Variants in VANGL1 observed in about 807,000 individuals in gnomAD.
VANGL1 encodes the protein vang-like protein 1.
In VANGL1, 18 loss-of-function variants were observed where a neutral mutation model predicts 48.4. The ratio of observed to expected loss-of-function variants is 0.37; its 90% confidence interval spans 0.26 to 0.55. The LOEUF (loss-of-function observed/expected upper bound fraction) is 0.55, where lower values mean the gene tolerates loss of function less well. Among genes scored for constraint, VANGL1 ranks in the 20% least tolerant of loss-of-function variants. VANGL1 has a pLI of 0.81. For missense variants in VANGL1, 667 were observed against 675.8 expected, an observed-to-expected ratio of 0.99 and a Z score of 0.14; for synonymous variants, 257 against 261.8, an observed-to-expected ratio of 0.98 and a Z score of 0.18.
chr1:115,646,537 C>T (rs1424647254), intron 1 of VANGL1, among the ~76,000 whole-genome samples: 1 of 121,466 alleles, frequency 8.2e-6, no homozygotes, highest in Non-Finnish European at 1.6e-5. Context: ...ACGCCTCTAT[C>T]TAATATCTGC....
At chr1:115,686,791 T>A (rs1330852000) in intron 7 of VANGL1, among the ~76,000 whole-genome samples, 9 of 152,228 alleles carry the variant, frequency 5.9e-5, no homozygotes, top group South Asian at 4.1e-4. Context: ...GTCTGGCCTC[T>A]TCATATGACA....
chr1:115,644,198 C>T (rs759408758), intron 1 of VANGL1, among the ~76,000 whole-genome samples: 2 of 152,220 alleles, frequency 1.3e-5, no homozygotes, highest in African/African-American at 2.4e-5. Flanking sequence ...GAGTTAGACT[C>T]TCAACGTTTA....
In VANGL1 at chr1:115,695,738, G is replaced by A. The variant is rs770407344; in HGVS notation, c.*4359G>A. On this transcript the variant is annotated 3_prime_UTR_variant, in exon 8 of 8. Transcript: ENST00000355485. The stretch of plus-strand genomic sequence containing the variant: ...CATCTTGGTTTTTCGGGTGAAAAAC[G>A]GAAGGTCAGAGAGGAAGGGGCTTGT... 3 of 152,128 alleles carry A rather than the reference G, an allele frequency of 2.0e-5. No homozygotes were observed. The highest frequency in any genetic ancestry group is 2.1e-4 in the South Asian group (1 of 4,816). The allele number at this position is 152,128 out of a possible 1,614,324, so 9.4% of individuals were successfully genotyped here.
At chr1:115,651,659 A>G (rs755658402) in intron 2 of VANGL1, among the ~76,000 whole-genome samples, 175 bp downstream of exon 2, 5 of 152,178 alleles carry the variant, frequency 3.3e-5, no homozygotes, top group Admixed American at 2.0e-4. Flanking sequence ...ACCAGTTTAC[A>G]TTTTATAGCC....
chr1:115,681,125 TCA>T (rs1250444838), intron 4 of VANGL1, among the ~76,000 whole-genome samples: 1 of 152,156 alleles, frequency 6.6e-6, no homozygotes, highest in Admixed American at 6.5e-5. Context: ...TTTTTGAGCC[TCA>T]GTTTTCTTAC....
chr1:115,681,371 T>A (rs1653376017), intron 4 of VANGL1, among the ~76,000 whole-genome samples: 1 of 152,166 alleles, frequency 6.6e-6, no homozygotes, highest in Non-Finnish European at 1.5e-5. Flanking sequence ...AGGGGATAGT[T>A]GGAGACCTAG....
chr1:115,651,607 T>C, intron 2 of VANGL1, 123 bp downstream of exon 2: 1 of 819,526 alleles, frequency 1.2e-6, no homozygotes, highest in Non-Finnish European at 2.0e-6. Context: ...CATGAGAAGC[T>C]GAGCTTTAAG....
intron 2 of VANGL1, 36 bp from the exon 3 acceptor site, chr1:115,659,605 A>G (rs764382280): frequency 5.0e-6 from 8 of 1,613,736 alleles, no homozygotes; most frequent in Admixed American, 1.7e-5. Context: ...GTTAATTAAC[A>G]TGGCATAAAT....
In VANGL1 at chr1:115,692,475, C is replaced by T. The variant is rs1017419946; in HGVS notation, c.*1096C>T. The T allele has an allele frequency of 2.0e-5, 3 of 152,690 alleles. No individual in the cohort carries two copies. The highest frequency in any genetic ancestry group is 2.9e-5 in the Non-Finnish European group (2 of 68,082). 9.5% of individuals were successfully genotyped at this position (152,690 alleles called of 1,614,324 possible). On this transcript the variant is annotated 3_prime_UTR_variant, in exon 8 of 8. Transcript: ENST00000355485. ...TCCAGTCCCTGTGTTTTCTGACCACCGTCACTGTGCAACTCATCGCCTCTG... is the reference window on the plus strand; with the variant it reads ...TCCAGTCCCTGTGTTTTCTGACCACTGTCACTGTGCAACTCATCGCCTCTG...
intron 4 of VANGL1, among the ~76,000 whole-genome samples, chr1:115,675,129 C>A (rs1432423714): frequency 6.6e-6 from 1 of 152,190 alleles, no homozygotes; most frequent in Non-Finnish European, 1.5e-5. Context: ...AGTGGTAGAA[C>A]TGAAAGGTCG....
intron 4 of VANGL1, among the ~76,000 whole-genome samples, chr1:115,677,286 A>G (rs1262868748): frequency 1.3e-5 from 2 of 152,236 alleles, no homozygotes; most frequent in Admixed American, 6.5e-5. Context: ...CTCTGTTGCC[A>G]TGGCAGTCAT....
intron 1 of VANGL1, among the ~76,000 whole-genome samples, chr1:115,646,374 C>T (rs1408666570): frequency 2.0e-5 from 3 of 151,974 alleles, no homozygotes; most frequent in Admixed American, 1.3e-4. Flanking sequence ...GGTGGGTGAC[C>T]GGTGAGGCAA....
rs1428026571 is a variant in VANGL1 at position 115,693,821 on chromosome 1, A to G, written c.*2442A>G. 4 of 152,198 alleles carry G rather than the reference A, an allele frequency of 2.6e-5. No homozygotes were observed. The highest frequency in any genetic ancestry group is 1.9e-4 in the East Asian group (1 of 5,198). The allele number at this position is 152,198 out of a possible 1,614,324, so 9.4% of individuals were successfully genotyped here. ...TTGAACACAATGCATTTTTATTTCA[A>G]TTCTTGGAACTGGTAGGCTATTCTT... On this transcript the variant is annotated 3_prime_UTR_variant, in exon 8 of 8. Coordinates refer to ENST00000355485, the MANE Select transcript of VANGL1 (RefSeq NM_138959.3).
intron 2 of VANGL1, among the ~76,000 whole-genome samples, chr1:115,652,596 C>T (rs566420819): frequency 6.5e-4 from 99 of 152,356 alleles, no homozygotes; most frequent in Middle Eastern, 3.4e-3. Flanking sequence ...CATTTCAGCA[C>T]TATGTTCCAA....
Position 115,659,703 on chromosome 1 carries a change from C to T in VANGL1, c.134C>T (p.Ser45Phe), listed in dbSNP as rs748477226. The change falls in exon 3 of 8, where the codon TCT becomes TTT. Residue 45 changes from serine (S) to phenylalanine (F), a missense_variant. By Grantham distance (155) the Ser-to-Phe change is radical (BLOSUM62 -2). Transcript: ENST00000355485. The part of the protein sequence containing the change: ...RNKDGRGSEK[S>F]VTIQPPTGEP... ...AAAGACGGCAGAGGGTCAGAAAAGT[C>T]TGTCACCATTCAACCTCCCACTGGA... 2.5e-6 allele frequency: 4 copies of T among 1,614,156 alleles called. No individual in the cohort carries two copies. Among genetic ancestry groups the T allele is most frequent in the Non-Finnish European group, 3.4e-6 (4 of 1,180,018 alleles).
Position 115,663,668 on chromosome 1 carries a change from A to G in VANGL1, c.212A>G (p.Asn71Ser), listed in dbSNP as rs749979071. ...STRTEEVQDD[N>S]WGETTTAITG... Reference sequence around the variant, plus strand: ...CTGTCTTCTCCCCACCAGGATGACAACTGGGGAGAGACCACCACGGCCATC... The same window carrying G: ...CTGTCTTCTCCCCACCAGGATGACAGCTGGGGAGAGACCACCACGGCCATC... Residue 71 changes from asparagine (N) to serine (S), a missense_variant, in exon 4 of 8, where the codon AAC becomes AGC. Physicochemically the swap from Asn to Ser is conservative, Grantham distance 46. Coordinates refer to ENST00000355485, the MANE Select transcript of VANGL1 (RefSeq NM_138959.3). 44 of 1,614,074 alleles carry G rather than the reference A, an allele frequency of 2.7e-5. No individual in the cohort carries two copies. Among genetic ancestry groups the G allele is most frequent in the Non-Finnish European group, 3.5e-5 (41 of 1,180,046 alleles).
In VANGL1 at chr1:115,683,963, T is replaced by C. The variant is rs1224932134; in HGVS notation, c.966T>C (p.Thr322=). The change falls in exon 6 of 8, where the codon ACT becomes ACC. Residue 322 remains threonine (T), a synonymous_variant. Coordinates refer to ENST00000355485, the MANE Select transcript of VANGL1 (RefSeq NM_138959.3). ...CCAAAGGCCCCAGTAACAATGCCAC[T>C]GGCCAGTCCCGGGCCATGATTGCTG... ...YNVDGPSNNA[T]GQSRAMIAAA... 3 of 1,613,812 alleles carry C rather than the reference T, an allele frequency of 1.9e-6. No individual in the cohort carries two copies. In the Admixed American group the frequency reaches 5.0e-5, roughly 27 times the overall value.
At position 115,681,441 on chromosome 1, in the gene VANGL1, C is replaced by T. The variant is rs564554583; in HGVS notation, c.813-923C>T. On this transcript the variant is annotated intron_variant, in intron 4 of 7. Coordinates refer to ENST00000355485, the MANE Select transcript of VANGL1 (RefSeq NM_138959.3). ...TCTGCCAAAGGCCAGAGATAGCACT[C>T]CAAGGGGCAGGGGGACCCAGAAAGA... Among the ~76,000 whole-genome samples, 495 of 151,888 alleles carry T rather than the reference C, an allele frequency of 3.3e-3. 2 individuals carry two copies. Among genetic ancestry groups the T allele is most frequent in the Non-Finnish European group, 6.2e-3 (420 of 67,968 alleles).
At chr1:115,653,005 C>T (rs1044977758) in intron 2 of VANGL1, among the ~76,000 whole-genome samples, 1 of 152,082 alleles carries the variant, frequency 6.6e-6, no homozygotes, top group Non-Finnish European at 1.5e-5. Context: ...CTTGAGGAAA[C>T]GTTCATGAGA....
Sources: allele counts gnomAD v4.1 joint callset (sites outside exome capture counted in the v4.1 genomes callset), GRCh38; gene constraint gnomAD v4.1.1; transcripts MANE v1.5; gene names NCBI Gene and HGNC (gene_info 2026-07-23, HGNC 2026-07-21).